The following NLGN1 variants were observed in gnomAD, a reference collection of about 807,000 sequenced individuals.
NLGN1 encodes the protein neuroligin 1, also known as neuroligin-1.
In NLGN1, 12 loss-of-function variants were observed where a neutral mutation model predicts 65.5. The ratio of observed to expected loss-of-function variants is 0.18; its 90% CI spans 0.12 to 0.30. The LOEUF (loss-of-function observed/expected upper bound fraction) is 0.30. Ranked by LOEUF, NLGN1 falls within the 10% of genes least tolerant of loss-of-function variation. The probability of loss-of-function intolerance (pLI) is 1.00; values close to 1 mark genes in which losing one functional copy is unlikely to be tolerated. For missense variants in NLGN1, 750 were observed against 1,007.1 expected, an observed-to-expected ratio of 0.74 and a Z score of 3.46; for synonymous variants, 350 against 359.5, an observed-to-expected ratio of 0.97 and a Z score of 0.30.
At chr3:173,719,242 T>G (rs1464291582) in intron 3 of NLGN1, among the ~76,000 whole-genome samples, 1 of 152,216 alleles carries the variant, frequency 6.6e-6, no homozygotes, top group Admixed American at 6.6e-5. Flanking sequence ...AAAATTTATT[T>G]TGATCTCTGA....
At chr3:173,861,083 A>G (rs1728972352) in intron 4 of NLGN1, among the ~76,000 whole-genome samples, 1 of 152,202 alleles carries the variant, frequency 6.6e-6, no homozygotes, top group African/African-American at 2.4e-5. Flanking sequence ...AATTTTGGTT[A>G]TCTGTTTTCA....
rs1354792411 is a variant in NLGN1, at chr3:173,935,618, ACACACTCT to A, written c.646+127788_646+127795del. On this transcript the variant is annotated intron_variant, in intron 4 of 6. Coordinates refer to ENST00000457714, the Ensembl canonical transcript of NLGN1. ...TACACACACACACACACACACACAC[ACACACTCT>A]CTCTCTCTCTCTCTCTCTCTCTCTC... 4.1e-3 allele frequency among the ~76,000 whole-genome samples: 480 copies of A among 117,092 alleles called. 2 individuals carry two copies. Among genetic ancestry groups the A allele is most frequent in the Middle Eastern group, 0.016 (4 of 252 alleles). The allele number at this position is 117,092 out of a possible 152,430, so 76.8% of individuals were successfully genotyped here.
chr3:173,547,026 G>A (rs1003340716), intron 2 of NLGN1, among the ~76,000 whole-genome samples: 2 of 152,040 alleles, frequency 1.3e-5, no homozygotes, highest in Non-Finnish European at 2.9e-5. Flanking sequence ...CATTTTTTCA[G>A]AACATTCCCA....
chr3:174,227,936 C>T (rs1326329972), intron 4 of NLGN1, among the ~76,000 whole-genome samples: 1 of 151,912 alleles, frequency 6.6e-6, no homozygotes, highest in Non-Finnish European at 1.5e-5. Context: ...ATAATAGAAT[C>T]AAATCTGATA....
chr3:173,843,609 C>G (rs1016468676), intron 4 of NLGN1, among the ~76,000 whole-genome samples: 1 of 152,164 alleles, frequency 6.6e-6, no homozygotes, highest in African/African-American at 2.4e-5. Context: ...TGCTGCCAGC[C>G]TCTTTGTTAA....
intron 4 of NLGN1, among the ~76,000 whole-genome samples, chr3:174,268,798 A>T (rs543081557): frequency 6.6e-6 from 1 of 152,120 alleles, no homozygotes; most frequent in African/African-American, 2.4e-5. Context: ...GCTGTCGGTA[A>T]TCAGAAGCCA....
At chr3:174,032,382 A>G (rs1730199423) in intron 4 of NLGN1, among the ~76,000 whole-genome samples, 2 of 152,182 alleles carry the variant, frequency 1.3e-5, no homozygotes, top group South Asian at 4.1e-4. Context: ...GGCCCCAGGC[A>G]TCAGTTTTTT....
chr3:173,818,966 T>G (rs1719622630), intron 4 of NLGN1, among the ~76,000 whole-genome samples: 1 of 142,370 alleles, frequency 7.0e-6, no homozygotes, highest in African/African-American at 2.6e-5. Context: ...GGTGTCATGA[T>G]CTTTGATGTT....
At chr3:173,720,478 C>G (rs1770651445) in intron 3 of NLGN1, among the ~76,000 whole-genome samples, 2 of 152,214 alleles carry the variant, frequency 1.3e-5, no homozygotes, top group South Asian at 4.1e-4. Flanking sequence ...AGAGCAACTT[C>G]CAGTATATCA....
chr3:174,168,682 C>T (rs924969083), intron 4 of NLGN1, among the ~76,000 whole-genome samples: 4 of 152,062 alleles, frequency 2.6e-5, no homozygotes, highest in East Asian at 1.9e-4. Context: ...GCTGATTTGA[C>T]GACTGTACAA....
At chr3:173,539,566 T>C (rs1406388727) in intron 2 of NLGN1, among the ~76,000 whole-genome samples, 1 of 143,004 alleles carries the variant, frequency 7.0e-6, no homozygotes, top group Non-Finnish European at 1.5e-5. Flanking sequence ...ATAATATATA[T>C]AACATATATG....
chr3:173,795,657 G>A (rs950846081), intron 3 of NLGN1, among the ~76,000 whole-genome samples: 3 of 152,154 alleles, frequency 2.0e-5, no homozygotes, highest in African/African-American at 7.2e-5. Flanking sequence ...GGTTGAAAAA[G>A]TCAAATATAG....
At chr3:173,712,877 G>C (rs905782748) in intron 3 of NLGN1, among the ~76,000 whole-genome samples, 1 of 151,914 alleles carries the variant, frequency 6.6e-6, no homozygotes, top group East Asian at 1.9e-4. Flanking sequence ...AGGTTGGTTG[G>C]GGTACAGAAA....
At chr3:174,238,624 T>A (rs1169631086) in intron 4 of NLGN1, among the ~76,000 whole-genome samples, 1 of 152,218 alleles carries the variant, frequency 6.6e-6, no homozygotes, top group Non-Finnish European at 1.5e-5. Flanking sequence ...CCTCCCAAAG[T>A]GCTGTGATTA....
chr3:173,462,570 T>G (rs1723590826), intron 2 of NLGN1, among the ~76,000 whole-genome samples: 1 of 152,128 alleles, frequency 6.6e-6, no homozygotes, highest in African/African-American at 2.4e-5. Flanking sequence ...CTCCACCACC[T>G]TCTCCCCTGG....
chr3:173,533,123 G>T (rs958844024), intron 2 of NLGN1, among the ~76,000 whole-genome samples: 4 of 152,146 alleles, frequency 2.6e-5, no homozygotes, highest in African/African-American at 4.8e-5. Context: ...GTAATTATTA[G>T]ATTTAATCTT....
chr3:173,492,460 G>A (rs544394895), intron 2 of NLGN1, among the ~76,000 whole-genome samples: 3 of 151,766 alleles, frequency 2.0e-5, no homozygotes, highest in South Asian at 4.1e-4. Flanking sequence ...GGTCAATCAA[G>A]CTGTATTTGA....
At chr3:174,222,416 A>G (rs1199711551) in intron 4 of NLGN1, among the ~76,000 whole-genome samples, 1 of 152,178 alleles carries the variant, frequency 6.6e-6, no homozygotes, top group African/African-American at 2.4e-5. Flanking sequence ...TCTTGGTTAG[A>G]AAAGTTAGAA....
intron 2 of NLGN1, among the ~76,000 whole-genome samples, chr3:173,461,288 T>C (rs965392526): frequency 6.6e-6 from 1 of 152,164 alleles, no homozygotes; most frequent in African/African-American, 2.4e-5. Flanking sequence ...TAGCCAAACA[T>C]GTGGTTATCC....
Sources: gnomAD v4.1 joint callset for allele counts (sites outside exome capture counted in the v4.1 genomes callset) on GRCh38, gnomAD v4.1.1 for gene constraint, MANE v1.5 for transcripts, NCBI Gene and HGNC (gene_info 2026-07-23, HGNC 2026-07-21) for gene names.